Variants in YEATS2 observed in about 807,000 individuals in gnomAD.
YEATS2 encodes the protein YEATS domain-containing protein 2.
A neutral mutation model predicts 163.2 loss-of-function variants in YEATS2; 77 were observed. That is an observed-to-expected ratio of 0.47 (90% CI 0.39 to 0.57). The LOEUF is 0.57. Ranked by LOEUF, YEATS2 falls within the 20% of genes least tolerant of loss-of-function variation. The pLI, the probability that YEATS2 is intolerant of heterozygous loss-of-function variation, is 0.00. For missense variants in YEATS2, 1,549 were observed against 1,729.8 expected (o/e 0.90, Z 1.85); for synonymous variants, 631 against 645.1 (o/e 0.98, Z 0.33).
chr3:183,717,227 G>A (rs746364710), intron 2 of YEATS2, among the ~76,000 whole-genome samples: 6 of 152,050 alleles, frequency 3.9e-5, no homozygotes, highest in South Asian at 4.2e-4. Context: ...TTCCCTCCCC[G>A]CAGGATCCAG....
chr3:183,790,830 G>A lies in YEATS2; in HGVS notation c.2947G>A (p.Val983Ile). 10 of 1,614,114 alleles carry A rather than the reference G, an allele frequency of 6.2e-6. No individual in the cohort carries two copies. Among genetic ancestry groups the A allele is most frequent in the Non-Finnish European group, 7.6e-6 (9 of 1,180,006 alleles). Residue 983 changes from valine (V) to isoleucine (I), a missense_variant, in exon 21 of 31, where the codon GTC (valine) becomes ATC (isoleucine). Coordinates refer to ENST00000305135, the MANE Select transcript of YEATS2 (RefSeq NM_018023.5). ...EGMAPVSSST[V>I]SSVTKTSGQQ... ...AATGGCTCCCGTGTCTTCATCTACG[G>A]TCAGTTCTGTAACGAAAACTTCTGG... is the stretch of plus-strand genomic sequence containing the variant.
At chr3:183,801,331 T>C in intron 24 of YEATS2, 124 bp from the exon 25 acceptor site, 1 of 601,826 alleles carries the variant, frequency 1.7e-6, no homozygotes. Flanking sequence ...CATGCTAATA[T>C]GATGGTTTTA....
chr3:183,710,304 T>C (rs1164199716), intron 1 of YEATS2, among the ~76,000 whole-genome samples: 4 of 152,240 alleles, frequency 2.6e-5, no homozygotes, highest in African/African-American at 9.6e-5. Flanking sequence ...AATGTTATCA[T>C]TGGTCATTTG....
chr3:183,721,939 A>G lies in YEATS2; in HGVS notation c.340A>G (p.Lys114Glu), dbSNP rs1437790230. The G allele has an allele frequency of 3.7e-6, 6 of 1,614,174 alleles. No homozygotes were observed. The highest frequency in any genetic ancestry group is 1.1e-5 in the South Asian group (1 of 91,086). The change falls in exon 5 of 31, where the codon AAA (lysine) becomes GAA (glutamate). Residue 114 changes from lysine to glutamate, a missense_variant. Physicochemically the swap from Lys to Glu is moderately conservative, Grantham distance 56 (BLOSUM62 1). Coordinates refer to ENST00000305135, the MANE Select transcript of YEATS2 (RefSeq NM_018023.5). The stretch of plus-strand genomic sequence containing the variant: ...GGTTTTTAATCATCCTGCTATCAAG[A>G]AATTTTTGGAATCACCATCTAGGTC... ...TMVFNHPAIKKFLESPSRSSS... is the reference protein window; with the variant it reads ...TMVFNHPAIKEFLESPSRSSS...
rs1211372741 is a variant in YEATS2 at position 183,811,653 on chromosome 3, C to A, written c.*1070C>A. On this transcript the variant is annotated 3_prime_UTR_variant, in exon 31 of 31. Transcript: ENST00000305135. ...AGTCTGTGTCCACAAGCAGAGGCCC[C>A]CTCGATGGGAGGGAGTGGCAGGCAG... 1 of 152,588 alleles carries A rather than the reference C, an allele frequency of 6.6e-6. No individual in the cohort carries two copies. Among genetic ancestry groups the A allele is most frequent in the Admixed American group, 6.5e-5 (1 of 15,280 alleles). The allele number at this position is 152,588 out of a possible 1,614,324, so 9.5% of individuals were successfully genotyped here. A position where few individuals can be genotyped will look rare whatever the true frequency, so the allele number is the denominator to read the frequency against.
intron 6 of YEATS2, among the ~76,000 whole-genome samples, chr3:183,726,594 G>A (rs1368044120): frequency 6.6e-6 from 1 of 152,174 alleles, no homozygotes; most frequent in Non-Finnish European, 1.5e-5. Context: ...GAGGAAAATT[G>A]ATTGGCTAGG....
In YEATS2 at chr3:183,768,375, C is replaced by T. The variant is rs1722123427; in HGVS notation, c.1948-3930C>T. On this transcript the variant is annotated intron_variant, in intron 15 of 30. Transcript: ENST00000305135. ...GTTAGCCAGAAAGCAAATGGCCACG[C>T]CTAGGTCTGGGAGGGCTGGGAAATA... 2.0e-5 allele frequency among the ~76,000 whole-genome samples: 3 copies of T among 152,126 alleles called. No individual in the cohort carries two copies. In the South Asian group the frequency reaches 6.2e-4, roughly 32 times the overall value.
At chr3:183,782,542 G>C (rs909036926) in intron 19 of YEATS2, among the ~76,000 whole-genome samples, 1 of 151,962 alleles carries the variant, frequency 6.6e-6, no homozygotes, top group Non-Finnish European at 1.5e-5. Flanking sequence ...TCCTGCCTCA[G>C]CCTCCCGAGT....
intron 6 of YEATS2, among the ~76,000 whole-genome samples, chr3:183,727,884 C>G (rs2109097486): frequency 1.3e-5 from 2 of 151,988 alleles, no homozygotes; most frequent in South Asian, 4.2e-4. Context: ...CTTCCCTAAC[C>G]TAGGAATAAA....
intron 7 of YEATS2, among the ~76,000 whole-genome samples, chr3:183,734,494 A>G (rs1718133108): frequency 6.6e-6 from 1 of 152,214 alleles, no homozygotes; most frequent in African/African-American, 2.4e-5. Flanking sequence ...AAACGTAGGA[A>G]TGCAGTGTTT....
At position 183,760,313 on chromosome 3, in the gene YEATS2, A is replaced by AGTTT. The variant is rs1283432086; in HGVS notation, c.1657-1194_1657-1193insGTTT. Among the ~76,000 whole-genome samples, 14 of 110,310 alleles carry AGTTT rather than the reference A, an allele frequency of 1.3e-4. 1 individual carries two copies. The highest frequency in any genetic ancestry group is 1.1e-4 in the Admixed American group (1 of 9,412). The allele number at this position is 110,310 out of a possible 152,430, so 72.4% of individuals were successfully genotyped here. ...TTGAGAATTAAAGAGAAACTACAGA[A>AGTTT]TTTTTTTTTTTTTTTTTTTTTTTTT... On this transcript the variant is annotated intron_variant, in intron 13 of 30. Coordinates refer to ENST00000305135, the MANE Select transcript of YEATS2 (RefSeq NM_018023.5).
intron 12 of YEATS2, 85 bp from the exon 13 acceptor site, chr3:183,758,777 A>T: frequency 2.1e-6 from 2 of 935,168 alleles, no homozygotes. Flanking sequence ...AATAGTGCGA[A>T]AGAGGGGAGG....
chr3:183,800,575 C>T lies in YEATS2; in HGVS notation c.3428+7C>T. 6.2e-7 allele frequency: 1 copy of T among 1,610,332 alleles called. No homozygotes were observed. Among genetic ancestry groups the T allele is most frequent in the Non-Finnish European group, 8.5e-7 (1 of 1,176,932 alleles). Reference sequence around the variant, plus strand: ...TGGGAAACTATGTCATTAAGTAATTCTTCCAATCTTTCCTAAAGGAATTCC... The same window carrying T: ...TGGGAAACTATGTCATTAAGTAATTTTTCCAATCTTTCCTAAAGGAATTCC... On this transcript the variant is annotated splice_region_variant and intron_variant, in intron 24 of 30. Transcript: ENST00000305135.
At chr3:183,756,800 C>T (rs1463324667) in intron 12 of YEATS2, 111 bp downstream of exon 12, 6 of 948,052 alleles carry the variant, frequency 6.3e-6, no homozygotes, top group South Asian at 4.7e-5. Context: ...CTCCCGTAAA[C>T]GAGAAGCGAG....
At chr3:183,711,430 G>A (rs1233992767) in intron 1 of YEATS2, among the ~76,000 whole-genome samples, 1 of 140,094 alleles carries the variant, frequency 7.1e-6, no homozygotes, top group African/African-American at 2.7e-5. Context: ...CTGAGATCGC[G>A]CCACTGCACT....
intron 1 of YEATS2, among the ~76,000 whole-genome samples, chr3:183,709,747 G>A (rs1054363178): frequency 2.0e-5 from 3 of 148,106 alleles, no homozygotes; most frequent in Middle Eastern, 7.0e-3. Flanking sequence ...GCGTGATCTC[G>A]GCTCACTGCA....
chr3:183,772,226 G>A (rs569886663), intron 15 of YEATS2, 79 bp from the exon 16 acceptor site: 1 of 1,589,810 alleles, frequency 6.3e-7, no homozygotes, highest in East Asian at 2.2e-5. Context: ...GCAGGCCTTT[G>A]TTTTGCTCTC....
rs1717391051 is a variant in YEATS2 at position 183,728,712 on chromosome 3, G to A, written c.673G>A (p.Glu225Lys). ...TAGGTATATACCTCCGGATAAGAGG[G>A]AAGAAAATGACCAGTCAACTCATAA... ...VSKYIPPDKREENDQSTHKWM... is the reference protein window; with the variant it reads ...VSKYIPPDKRKENDQSTHKWM... Residue 225 changes from glutamate to lysine, a missense_variant, in exon 7 of 31, where the codon GAA becomes AAA. Physicochemically the swap from Glu to Lys is moderately conservative, Grantham distance 56. Transcript: ENST00000305135. The A allele has an allele frequency of 6.2e-7, 1 of 1,611,148 alleles. No homozygotes were observed. Among genetic ancestry groups the A allele is most frequent in the African/African-American group, 1.3e-5 (1 of 74,790 alleles).
Position 183,764,437 on chromosome 3 carries a change from C to CG in YEATS2, c.1947+2158_1947+2159insG, listed in dbSNP as rs1186591324. On this transcript the variant is annotated intron_variant, in intron 15 of 30. Transcript: ENST00000305135. ...TCAGCTTGAAACCCAGCCTACCTAT[C>CG]TAAGGAGAATGAATTGTTTTAAGAA... Among the ~76,000 whole-genome samples the CG allele has an allele frequency of 2.7e-5, 4 of 146,526 alleles. No individual in the cohort carries two copies. The East Asian group carries it at 8.5e-4, about 31-fold the overall frequency.
Sources: allele counts gnomAD v4.1 joint callset (sites outside exome capture counted in the v4.1 genomes callset), GRCh38; gene constraint gnomAD v4.1.1; transcripts MANE v1.5; gene names NCBI Gene and HGNC (gene_info 2026-07-23, HGNC 2026-07-21).